MYOZ2: variants seen among roughly 807,000 people sequenced by gnomAD.
MYOZ2 encodes myozenin-2.
MYOZ2 carries 19 observed loss-of-function variants against 25.4 expected under a neutral mutation model. That is an observed-to-expected ratio of 0.75 (90% CI 0.52 to 1.10). The LOEUF (loss-of-function observed/expected upper bound fraction) is 1.10. Ranked by LOEUF, MYOZ2 falls within the 50% of genes least tolerant of loss-of-function variation. The probability of loss-of-function intolerance (pLI) is 0.00; values close to 1 mark genes in which losing one functional copy is unlikely to be tolerated. For synonymous variants in MYOZ2, 92 were observed against 106.9 expected (o/e 0.86, Z 0.86); for missense variants, 270 against 317.9 (o/e 0.85, Z 1.15).
At chr4:119,138,988 T>C (rs567000320) in intron 2 of MYOZ2, among the ~76,000 whole-genome samples, 14 of 152,236 alleles carry the variant, frequency 9.2e-5, no homozygotes, top group Non-Finnish European at 2.1e-4. Flanking sequence ...CTCAAAGAAT[T>C]ATTAAAAAAT....
At chr4:119,161,802 G>T (rs1741715696) in intron 4 of MYOZ2, among the ~76,000 whole-genome samples, 1 of 151,980 alleles carries the variant, frequency 6.6e-6, no homozygotes, top group African/African-American at 2.4e-5. Context: ...AAACAAATTT[G>T]GGGGAAAAAC....
At chr4:119,154,892 A>ACACAC (rs58689464) in intron 3 of MYOZ2, among the ~76,000 whole-genome samples, 8,036 of 148,406 alleles carry the variant, frequency 0.054, 255 homozygotes, top group African/African-American at 0.07. Context: ...CACACACACA[A>ACACAC]TGCCTTTCTT....
intron 2 of MYOZ2, among the ~76,000 whole-genome samples, chr4:119,137,170 A>T (rs1741049340): frequency 6.6e-6 from 1 of 152,170 alleles, no homozygotes; most frequent in African/African-American, 2.4e-5. Flanking sequence ...ACTTCTGAGA[A>T]AATATAAAGT....
At chr4:119,178,031 C>A (rs1389189597) in intron 5 of MYOZ2, among the ~76,000 whole-genome samples, 1 of 152,152 alleles carries the variant, frequency 6.6e-6, no homozygotes, top group Non-Finnish European at 1.5e-5. Flanking sequence ...AGGACTGCAT[C>A]CCACCATTAC....
intron 3 of MYOZ2, among the ~76,000 whole-genome samples, chr4:119,152,765 A>G (rs1420199504): frequency 6.6e-6 from 1 of 152,192 alleles, no homozygotes; most frequent in Non-Finnish European, 1.5e-5. Flanking sequence ...ATAAGCAATA[A>G]TAATATATGC....
chr4:119,157,459 A>G (rs1336695431), intron 3 of MYOZ2, among the ~76,000 whole-genome samples: 2 of 152,122 alleles, frequency 1.3e-5, no homozygotes, highest in East Asian at 1.9e-4. Context: ...AAAATCAAAA[A>G]TTTTTCCTTT....
chr4:119,175,400 A>C (rs980284197), intron 5 of MYOZ2, among the ~76,000 whole-genome samples: 6 of 152,208 alleles, frequency 3.9e-5, no homozygotes, highest in African/African-American at 1.4e-4. Flanking sequence ...TTAATTGATC[A>C]ATTTTTGCTT....
chr4:119,164,171 G>A lies in MYOZ2; in HGVS notation c.377-40G>A, dbSNP rs370361313. 69 of 1,578,088 alleles carry A rather than the reference G, an allele frequency of 4.4e-5. 1 individual carries two copies. In the Admixed American group the frequency reaches 6.5e-4, roughly 15 times the overall value. On this transcript the variant is annotated intron_variant, in intron 4 of 5. Coordinates refer to ENST00000307128, the MANE Select transcript of MYOZ2 (RefSeq NM_016599.5). ...TGTTAGGTGGAGGTTAGTAACTCTC[G>A]GGCACAGTATTTACTTACTTTTGCT...
intron 2 of MYOZ2, among the ~76,000 whole-genome samples, chr4:119,147,052 A>ATATT (rs1468093651): frequency 1.3e-5 from 2 of 152,108 alleles, no homozygotes; most frequent in African/African-American, 4.8e-5. Context: ...TGCTTGATAT[A>ATATT]TATTTTTCCA....
At chr4:119,140,778 C>A (rs1261732362) in intron 2 of MYOZ2, among the ~76,000 whole-genome samples, 1 of 152,138 alleles carries the variant, frequency 6.6e-6, no homozygotes, top group Non-Finnish European at 1.5e-5. Context: ...TAATTCAATA[C>A]ATTGGTAATG....
chr4:119,180,146 GGCTA>G (rs1742158167), intron 5 of MYOZ2, among the ~76,000 whole-genome samples: 1 of 152,168 alleles, frequency 6.6e-6, no homozygotes, highest in Admixed American at 6.5e-5. Context: ...TGGTGTTTCA[GGCTA>G]GCTAGTCTGA....
chr4:119,174,857 G>A (rs1035335816), intron 5 of MYOZ2, among the ~76,000 whole-genome samples: 3 of 152,142 alleles, frequency 2.0e-5, no homozygotes, highest in South Asian at 2.1e-4. Context: ...AACAGTCACC[G>A]CAAAGATCTG....
rs765289247 is a variant in MYOZ2 at position 119,158,167 on chromosome 4, A to T, written c.376+16A>T. Reference sequence around the variant, plus strand: ...ATTGCTCCAGGTAACCAATCCCCTTACCAACAGAGCAATAAAATTTCTGTG... The same window carrying T: ...ATTGCTCCAGGTAACCAATCCCCTTTCCAACAGAGCAATAAAATTTCTGTG... On this transcript the variant is annotated intron_variant, in intron 4 of 5. Coordinates refer to ENST00000307128, the MANE Select transcript of MYOZ2 (RefSeq NM_016599.5). 5.6e-6 allele frequency: 9 copies of T among 1,613,678 alleles called. No individual in the cohort carries two copies. In the South Asian group the frequency reaches 9.9e-5, roughly 18 times the overall value.
intron 5 of MYOZ2, among the ~76,000 whole-genome samples, chr4:119,176,158 T>G (rs879682838): frequency 1.3e-5 from 2 of 152,230 alleles, no homozygotes; most frequent in African/African-American, 2.4e-5. Context: ...GCATGCAGCA[T>G]TGTATCTAGA....
intron 5 of MYOZ2, among the ~76,000 whole-genome samples, chr4:119,169,969 T>TA (rs2149226992): frequency 6.6e-6 from 1 of 152,250 alleles, no homozygotes; most frequent in African/African-American, 2.4e-5. Context: ...CAGGTTTTTT[T>TA]AAAAAAATAT....
intron 2 of MYOZ2, among the ~76,000 whole-genome samples, chr4:119,145,383 C>T (rs1183832995): frequency 8.1e-6 from 1 of 123,142 alleles, no homozygotes; most frequent in Admixed American, 9.7e-5. Context: ...CTCACTCTGT[C>T]TCCCATGTTG....
rs1358336556 is a variant in MYOZ2 at position 119,168,706 on chromosome 4, AC to A, written c.560+4313del. ...CAAAACAACAACAACAACAACAACA[AC>A]AACAAAAAACCACCTGAGCAGATCA... On this transcript the variant is annotated intron_variant, in intron 5 of 5. Coordinates refer to ENST00000307128, the MANE Select transcript of MYOZ2 (RefSeq NM_016599.5). 7.1e-4 allele frequency among the ~76,000 whole-genome samples: 107 copies of A among 151,534 alleles called. 1 individual carries two copies. Among genetic ancestry groups the A allele is most frequent in the African/African-American group, 2.5e-3 (102 of 40,874 alleles).
intron 4 of MYOZ2, among the ~76,000 whole-genome samples, chr4:119,161,569 T>G (rs185606323): frequency 3.9e-5 from 6 of 152,214 alleles, no homozygotes; most frequent in Admixed American, 3.9e-4. Flanking sequence ...ATTGTAATAT[T>G]TCTGTGAGGT....
intron 5 of MYOZ2, among the ~76,000 whole-genome samples, chr4:119,176,505 G>A (rs1393535779): frequency 6.6e-6 from 1 of 152,208 alleles, no homozygotes; most frequent in Non-Finnish European, 1.5e-5. Flanking sequence ...TTACAGGCAT[G>A]AGCCACTGTG....
Sources: allele counts gnomAD v4.1 joint callset (sites outside exome capture counted in the v4.1 genomes callset), GRCh38; gene constraint gnomAD v4.1.1; transcripts MANE v1.5; gene names NCBI Gene and HGNC (gene_info 2026-07-23, HGNC 2026-07-21).